The following MON1A variants were observed in gnomAD, a reference collection of about 807,000 sequenced individuals.
MON1A encodes vacuolar fusion protein MON1 homolog A.
MON1A carries 29 observed loss-of-function variants against 44.6 expected under a neutral mutation model. The ratio of observed to expected loss-of-function variants is 0.65; its 90% CI spans 0.48 to 0.89. MON1A has a LOEUF of 0.89. MON1A is among the 40% of genes least tolerant of loss of function. MON1A has a pLI of 0.00. For missense variants in MON1A, 615 were observed against 759.6 expected (o/e 0.81, Z 2.24); for synonymous variants, 275 against 316.4 (o/e 0.87, Z 1.39).
In MON1A at chr3:49,911,229, G is replaced by C. The variant is rs563446960; in HGVS notation, c.613+297C>G. On this transcript the variant is annotated intron_variant, in intron 3 of 5. Transcript: ENST00000296473. This position sits in a 1 kb window ranked among gnomAD's most constrained non-coding sequence, Gnocchi z 5.7. The stretch of plus-strand genomic sequence containing the variant: ...AGATAGATAGATAGATAGATAGATA[G>C]ATAGATAGATAGATAGAGTTTGTTG... Among the ~76,000 whole-genome samples the C allele has an allele frequency of 1.8e-4, 27 of 148,262 alleles. No individual in the cohort carries two copies. The highest frequency in any genetic ancestry group is 1.3e-3 in the Admixed American group (19 of 14,806).
rs778168451 is a variant in MON1A at position 49,909,305 on chromosome 3, C to T, written c.1475G>A (p.Arg492His). ...CGTGTAGTAAATGGTCTTGAGTGGG[C>T]GAGAGGCATTGTGGGCACGACTGTG... ...YLHSRAHNASRPLKTIYYTGP... is the reference protein window; with the variant it reads ...YLHSRAHNASHPLKTIYYTGP... Residue 492 changes from arginine (R) to histidine (H), a missense_variant, in exon 5 of 6, where the codon CGC becomes CAC. Transcript: ENST00000296473. The surrounding 1 kb of genome is among the most constrained non-coding windows in gnomAD (Gnocchi z 4.0). 7 of 1,613,760 alleles carry T rather than the reference C, an allele frequency of 4.3e-6. No individual in the cohort carries two copies. In the African/African-American group the frequency reaches 8.0e-5, roughly 18 times the overall value.
chr3:49,929,117 G>A (rs984854461), intron 1 of MON1A, among the ~76,000 whole-genome samples: 2 of 152,220 alleles, frequency 1.3e-5, no homozygotes, highest in African/African-American at 4.8e-5. Context: ...AGCTACTCGG[G>A]AGGCTGAGGC....
At chr3:49,923,800 C>T (rs1366404413) in intron 1 of MON1A, among the ~76,000 whole-genome samples, 1 of 148,126 alleles carries the variant, frequency 6.8e-6, no homozygotes, top group Non-Finnish European at 1.5e-5. Flanking sequence ...ACCTTGGAGT[C>T]GGCCGGGCAC....
Position 49,911,248 on chromosome 3 carries a change from T to A in MON1A, c.613+278A>T, listed in dbSNP as rs1056713042. ...TAGATAGATAGATAGATAGATAGAG[T>A]TTGTTGTTGTTGTTGTTGTTGCCTC... On this transcript the variant is annotated intron_variant, in intron 3 of 5. Transcript: ENST00000296473. This position sits in a 1 kb window ranked among gnomAD's most constrained non-coding sequence, Gnocchi z 5.7. Among the ~76,000 whole-genome samples the A allele has an allele frequency of 7.3e-3, 382 of 52,126 alleles. 3 individuals carry two copies. Among genetic ancestry groups the A allele is most frequent in the African/African-American group, 0.029 (351 of 12,294 alleles). The allele number at this position is 52,126 out of a possible 152,430, so 34.2% of individuals were successfully genotyped here. A position where few individuals can be genotyped will look rare whatever the true frequency, so the allele number is the denominator to read the frequency against.
At chr3:49,923,338 A>AAGGG (rs199906345) in intron 1 of MON1A, among the ~76,000 whole-genome samples, 3 of 119,056 alleles carry the variant, frequency 2.5e-5, no homozygotes, top group African/African-American at 9.5e-5. Flanking sequence ...GGAGGGAAGG[A>AAGGG]AGGGAGGGAG....
intron 1 of MON1A, among the ~76,000 whole-genome samples, chr3:49,919,201 A>T (rs1341704351): frequency 6.6e-6 from 1 of 152,020 alleles, no homozygotes; most frequent in Non-Finnish European, 1.5e-5. Flanking sequence ...AAAACCAAAC[A>T]ATTTTGGGGG....
At chr3:49,920,008 G>C (rs1013323304) in intron 1 of MON1A, among the ~76,000 whole-genome samples, 1 of 152,178 alleles carries the variant, frequency 6.6e-6, no homozygotes, top group Non-Finnish European at 1.5e-5. Flanking sequence ...CAGTGATGTG[G>C]CCAGAGGGAC....
At position 49,909,909 on chromosome 3, in the gene MON1A, C is replaced by T. The variant is rs2082853838; in HGVS notation, c.1379+210G>A. 3 of 543,306 alleles carry T rather than the reference C, an allele frequency of 5.5e-6. No individual in the cohort carries two copies. 33.7% of individuals were successfully genotyped at this position (543,306 alleles called of 1,614,324 possible). The stretch of plus-strand genomic sequence containing the variant: ...TCTGGGTATATTGGGCATTTCCAGG[C>T]CTTCTGGTTAATAAAGTAGAGAGGG... On this transcript the variant is annotated intron_variant, in intron 4 of 5. Transcript: ENST00000296473. The surrounding 1 kb of genome is among the most constrained non-coding windows in gnomAD (Gnocchi z 4.0).
At chr3:49,928,251 C>G (rs908935774) in intron 1 of MON1A, among the ~76,000 whole-genome samples, 1 of 152,152 alleles carries the variant, frequency 6.6e-6, no homozygotes, top group Non-Finnish European at 1.5e-5. Context: ...CCTGATGAAG[C>G]AAACAGCTCT....
chr3:49,909,044 G>A lies in MON1A; in HGVS notation c.1638C>T (p.Arg546=), dbSNP rs2108528252. Residue 546 remains arginine, a synonymous_variant, in exon 6 of 6, where the codon CGC becomes CGT. Coordinates refer to ENST00000296473, the MANE Select transcript of MON1A (RefSeq NM_032355.4). This position sits in a 1 kb window ranked among gnomAD's most constrained non-coding sequence, Gnocchi z 4.0. ...LMRWIRKEED[R]LFILTPLTY ...AGGTGAGGGGCGTGAGAATGAAGAG[G>A]CGGTCTTCCTCTTTGCGGATCCAGC... is the stretch of plus-strand genomic sequence containing the variant. The A allele has an allele frequency of 6.2e-7, 1 of 1,613,786 alleles. No individual in the cohort carries two copies. The highest frequency in any genetic ancestry group is 8.5e-7 in the Non-Finnish European group (1 of 1,179,870).
intron 2 of MON1A, chr3:49,912,996 T>C: frequency 1.5e-6 from 1 of 676,414 alleles, no homozygotes; most frequent in Non-Finnish European, 2.7e-6. Flanking sequence ...GAGCCCACAA[T>C]GGCAGCCAGA....
rs573554828 is a variant in MON1A, at chr3:49,911,889, G to T, written c.250C>A (p.Pro84Thr). ...KEGTRGPPPL[P>T]TDMRQISQDF... Reference sequence around the variant, plus strand: ...TGGCTGATCTGGCGCATGTCTGTAGGCAGCGGCGGGGGACCCCTGGTACCC... The same window carrying T: ...TGGCTGATCTGGCGCATGTCTGTAGTCAGCGGCGGGGGACCCCTGGTACCC... Residue 84 changes from proline to threonine, a missense_variant, in exon 3 of 6, where the codon CCT becomes ACT. Transcript: ENST00000296473. This position sits in a 1 kb window ranked among gnomAD's most constrained non-coding sequence, Gnocchi z 5.7. The T allele has an allele frequency of 2.5e-6, 4 of 1,614,082 alleles. No individual in the cohort carries two copies. The East Asian group carries it at 8.9e-5, about 36-fold the overall frequency.
chr3:49,911,539 G>C lies in MON1A; in HGVS notation c.600C>G (p.Arg200=). The C allele has an allele frequency of 6.2e-7, 1 of 1,610,706 alleles. No individual in the cohort carries two copies. Among genetic ancestry groups the C allele is most frequent in the Non-Finnish European group, 8.5e-7 (1 of 1,177,852 alleles). The change falls in exon 3 of 6, where the codon CGC becomes CGG. Residue 200 remains arginine, a synonymous_variant. Coordinates refer to ENST00000296473, the MANE Select transcript of MON1A (RefSeq NM_032355.4). This position sits in a 1 kb window ranked among gnomAD's most constrained non-coding sequence, Gnocchi z 5.7. The part of the protein sequence containing the change: ...SFLEADKNAI[R]SIHADGYKVV... The stretch of plus-strand genomic sequence containing the variant: ...CAGGTGGCTCACCTGCATGGATGGA[G>C]CGGATGGCGTTCTTGTCTGCCTCCA...
At chr3:49,920,843 A>G (rs1559495370) in intron 1 of MON1A, among the ~76,000 whole-genome samples, 2 of 146,186 alleles carry the variant, frequency 1.4e-5, no homozygotes, top group Non-Finnish European at 3.0e-5. Flanking sequence ...GCATCAAAAA[A>G]AAAAAAGGTC....
At chr3:49,920,154 C>G (rs912155116) in intron 1 of MON1A, among the ~76,000 whole-genome samples, 3 of 152,224 alleles carry the variant, frequency 2.0e-5, no homozygotes, top group African/African-American at 4.8e-5. Context: ...CTGCTCCCAT[C>G]AAGGTCACCA....
chr3:49,918,035 C>T (rs1039701415), intron 1 of MON1A, among the ~76,000 whole-genome samples: 7 of 150,012 alleles, frequency 4.7e-5, no homozygotes, highest in East Asian at 4.0e-4. Context: ...ACCAAAATTG[C>T]GTCTCAAAAA....
chr3:49,918,726 A>C (rs1263334099), intron 1 of MON1A, among the ~76,000 whole-genome samples: 1 of 152,036 alleles, frequency 6.6e-6, no homozygotes, highest in African/African-American at 2.4e-5. Flanking sequence ...CTTCTTACTA[A>C]AGATGAGCTG....
Position 49,911,022 on chromosome 3 carries a change from A to G in MON1A, c.614-138T>C, listed in dbSNP as rs1004905292. 1.1e-6 allele frequency: 1 copy of G among 878,320 alleles called. No individual in the cohort carries two copies. Among genetic ancestry groups the G allele is most frequent in the Non-Finnish European group, 1.7e-6 (1 of 592,668 alleles). 54.4% of individuals were successfully genotyped at this position (878,320 alleles called of 1,614,324 possible). A position where few individuals can be genotyped will look rare whatever the true frequency, so the allele number is the denominator to read the frequency against. ...GCACAGTAGGGGTTTAAGGATGTTC[A>G]GGATAAAAACCCATTGCTCCTTCTC... On this transcript the variant is annotated intron_variant, in intron 3 of 5. Transcript: ENST00000296473. The surrounding 1 kb of genome is among the most constrained non-coding windows in gnomAD (Gnocchi z 5.7).
intron 1 of MON1A, among the ~76,000 whole-genome samples, chr3:49,923,689 G>A (rs1224322420): frequency 6.6e-6 from 1 of 151,232 alleles, no homozygotes; most frequent in Admixed American, 6.6e-5. Flanking sequence ...CTGACCTTGT[G>A]ATCTGCCCAC....
Sources: gnomAD v4.1 joint callset for allele counts (sites outside exome capture counted in the v4.1 genomes callset) on GRCh38, gnomAD v4.1.1 for gene constraint, Gnocchi (gnomAD v3.1) non-coding constraint, MANE v1.5 for transcripts, NCBI Gene and HGNC (gene_info 2026-07-23, HGNC 2026-07-21) for gene names.